FOXN3: variants seen among roughly 807,000 people sequenced by gnomAD.
FOXN3 encodes the protein forkhead box protein N3.
In FOXN3, 7 loss-of-function variants were observed where a neutral mutation model predicts 38.4. That is an observed-to-expected ratio of 0.18 (90% CI 0.10 to 0.34). The LOEUF (loss-of-function observed/expected upper bound fraction) is 0.34, where lower values mean the gene tolerates loss of function less well. Ranked by LOEUF, FOXN3 falls within the 10% of genes least tolerant of loss-of-function variation. The pLI is 1.00. For synonymous variants in FOXN3, 230 were observed against 242.2 expected (o/e 0.95, Z 0.47); for missense variants, 456 against 613.4 (o/e 0.74, Z 2.71).
At chr14:89,255,819 T>C (rs1305043789) in intron 4 of FOXN3, among the ~76,000 whole-genome samples, 2 of 152,142 alleles carry the variant, frequency 1.3e-5, no homozygotes, top group African/African-American at 4.8e-5. Flanking sequence ...CATTCATGAC[T>C]GTCCTCAAGA....
intron 1 of FOXN3, among the ~76,000 whole-genome samples, chr14:89,445,803 G>A (rs1323222265): frequency 6.6e-6 from 1 of 152,070 alleles, no homozygotes; most frequent in Non-Finnish European, 1.5e-5. Context: ...GAAGATGGCT[G>A]AGCATGGTGG....
At chr14:89,522,472 T>G (rs930202745) in intron 1 of FOXN3, among the ~76,000 whole-genome samples, 2 of 152,174 alleles carry the variant, frequency 1.3e-5, no homozygotes, top group African/African-American at 4.8e-5. Context: ...TAAAATAACT[T>G]TCTTTCTTAT....
At chr14:89,190,064 C>G (rs1442508374) in intron 4 of FOXN3, among the ~76,000 whole-genome samples, 1 of 152,212 alleles carries the variant, frequency 6.6e-6, no homozygotes, top group African/African-American at 2.4e-5. Context: ...TACAAACTCA[C>G]AGGAACAATA....
At chr14:89,555,489 ATTAGCAGTAAGGATAAGCATCTTG>A (rs1466463566) in intron 1 of FOXN3, among the ~76,000 whole-genome samples, 1 of 152,174 alleles carries the variant, frequency 6.6e-6, no homozygotes, top group African/African-American at 2.4e-5. Flanking sequence ...TGTATCTCTT[ATTAGCAGTAAGGATAAGCATCTTG>A]TCATATGCTT....
chr14:89,563,859 G>T (rs1193237756), intron 1 of FOXN3, among the ~76,000 whole-genome samples: 3 of 151,754 alleles, frequency 2.0e-5, no homozygotes, highest in Admixed American at 6.6e-5. Context: ...GAAGGTTTTG[G>T]TTTTTTTTGA....
At chr14:89,332,299 A>G (rs1417069313) in intron 3 of FOXN3, among the ~76,000 whole-genome samples, 7 of 152,218 alleles carry the variant, frequency 4.6e-5, no homozygotes, top group Non-Finnish European at 1.5e-5. Context: ...GGGTCAGGAA[A>G]ATTATATACA....
intron 1 of FOXN3, among the ~76,000 whole-genome samples, chr14:89,498,210 CTT>C (rs547081117): frequency 5.3e-3 from 426 of 81,000 alleles, no homozygotes; most frequent in African/African-American, 0.02. Flanking sequence ...CTCTCTCTCT[CTT>C]TTTTTTTTTT....
At chr14:89,435,082 C>G (rs537876119) in intron 1 of FOXN3, among the ~76,000 whole-genome samples, 94 of 152,268 alleles carry the variant, frequency 6.2e-4, no homozygotes, top group African/African-American at 2.2e-3. Flanking sequence ...GTAAAACTCT[C>G]TTACTAAGGC....
intron 1 of FOXN3, among the ~76,000 whole-genome samples, chr14:89,518,473 G>A (rs1346446993): frequency 6.6e-6 from 1 of 152,182 alleles, no homozygotes; most frequent in Non-Finnish European, 1.5e-5. Flanking sequence ...TGGGGATACA[G>A]AATTGGGATT....
intron 1 of FOXN3, among the ~76,000 whole-genome samples, chr14:89,597,880 T>G (rs544467336): frequency 6.6e-6 from 1 of 152,180 alleles, no homozygotes; most frequent in African/African-American, 2.4e-5. Flanking sequence ...TTTTGACTTT[T>G]AATTTGACTA....
intron 1 of FOXN3, among the ~76,000 whole-genome samples, chr14:89,471,638 G>T (rs1893097385): frequency 2.0e-5 from 3 of 152,122 alleles, no homozygotes; most frequent in African/African-American, 7.2e-5. Flanking sequence ...GGTCTCTGGA[G>T]TTCTATCTAC....
Position 89,159,139 on chromosome 14 carries a change from T to A in FOXN3, c.*3275A>T, listed in dbSNP as rs1887042394. 6.6e-6 allele frequency: 1 copy of A among 152,652 alleles called. No homozygotes were observed. Among genetic ancestry groups the A allele is most frequent in the South Asian group, 2.1e-4 (1 of 4,834 alleles). 9.5% of individuals were successfully genotyped at this position (152,652 alleles called of 1,614,324 possible). A position where few individuals can be genotyped will look rare whatever the true frequency, so the allele number is the denominator to read the frequency against. ...TCTCTACTGCTCTTGGAGGAGGGGA[T>A]AAGAGAGGGTGCCTCCTGCCCCTTG... On this transcript the variant is annotated 3_prime_UTR_variant, in exon 6 of 6. Coordinates refer to ENST00000557258, the MANE Select transcript of FOXN3 (RefSeq NM_005197.4).
upstream of FOXN3, chr14:89,419,279 A>G (rs948259369): frequency 3.8e-5 from 17 of 447,594 alleles, no homozygotes; most frequent in Middle Eastern, 6.7e-4. Flanking sequence ...GGGGGAAAAA[A>G]TGCTGAAAGC....
intron 2 of FOXN3, among the ~76,000 whole-genome samples, chr14:89,405,532 T>C (rs1334818473): frequency 6.6e-6 from 1 of 151,850 alleles, no homozygotes; most frequent in Non-Finnish European, 1.5e-5. Flanking sequence ...GTATCAACAG[T>C]GTACACGCAG....
At chr14:89,390,219 C>CA (rs1890902915) in intron 2 of FOXN3, among the ~76,000 whole-genome samples, 1 of 141,274 alleles carries the variant, frequency 7.1e-6, no homozygotes, top group African/African-American at 2.7e-5. Context: ...GAGTGAGACT[C>CA]CCTTTAAAAA....
chr14:89,229,443 G>C (rs1417442576), intron 4 of FOXN3, among the ~76,000 whole-genome samples: 1 of 152,192 alleles, frequency 6.6e-6, no homozygotes, highest in Non-Finnish European at 1.5e-5. Flanking sequence ...CTTGGTGGCT[G>C]TGGGATCACA....
chr14:89,559,231 T>C (rs1052953447), intron 1 of FOXN3, among the ~76,000 whole-genome samples: 1 of 152,028 alleles, frequency 6.6e-6, no homozygotes, highest in African/African-American at 2.4e-5. Context: ...AATACAAAAA[T>C]GTGCCAGATG....
upstream of FOXN3, among the ~76,000 whole-genome samples, chr14:89,420,991 T>C (rs935340815): frequency 6.6e-5 from 10 of 151,692 alleles, no homozygotes; most frequent in African/African-American, 1.5e-4. Flanking sequence ...TCAGAAATCA[T>C]TGCAGTAATT....
At position 89,339,643 on chromosome 14, in the gene FOXN3, C is replaced by A. The variant is rs554284032; in HGVS notation, c.680+11029G>T. 6.3e-4 allele frequency among the ~76,000 whole-genome samples: 96 copies of A among 152,330 alleles called. 1 individual carries two copies. Among genetic ancestry groups the A allele is most frequent in the South Asian group, 3.7e-3 (18 of 4,834 alleles). ...TCTACTGCGGGCAGGATCGGGCAGG[C>A]GGGGAAGCCAGAGTCACGCTTTGAG... On this transcript the variant is annotated intron_variant, in intron 3 of 5. Transcript: ENST00000557258.
Sources: allele counts gnomAD v4.1 joint callset (sites outside exome capture counted in the v4.1 genomes callset), GRCh38; gene constraint gnomAD v4.1.1; transcripts MANE v1.5; gene names NCBI Gene and HGNC (gene_info 2026-07-23, HGNC 2026-07-21).